PRKN: variants seen among roughly 807,000 people sequenced by gnomAD.
PRKN encodes E3 ubiquitin-protein ligase parkin.
A neutral mutation model predicts 59.5 loss-of-function variants in PRKN; 56 were observed. The ratio of observed to expected loss-of-function variants is 0.94; its 90% confidence interval spans 0.76 to 1.18. The LOEUF (loss-of-function observed/expected upper bound fraction) is 1.18. Ranked by LOEUF, PRKN falls within the 50% of genes most tolerant of loss-of-function variation. The pLI, the probability that PRKN is intolerant of heterozygous loss-of-function variation, is 0.00. For synonymous variants in PRKN, 250 were observed against 222.1 expected (o/e 1.13, Z -1.12); for missense variants, 657 against 596.4 (o/e 1.10, Z -1.06).
chr6:162,010,136 T>C (rs9346895), intron 5 of PRKN, among the ~76,000 whole-genome samples: 81,192 of 146,654 alleles, frequency 0.55, 22,795 homozygotes, highest in Admixed American at 0.62. Flanking sequence ...TGTCACTTCC[T>C]CTGGCTCGTG....
chr6:162,021,454 TATATATA>T (rs1248011291), intron 5 of PRKN, among the ~76,000 whole-genome samples: 4 of 7,372 alleles, frequency 5.4e-4, no homozygotes, highest in African/African-American at 1.3e-3. Flanking sequence ...TATATATATA[TATATATA>T]TTTTTTTTTT....
chr6:162,498,890 C>A (rs567581772), intron 1 of PRKN, among the ~76,000 whole-genome samples: 1 of 152,216 alleles, frequency 6.6e-6, no homozygotes, highest in Admixed American at 6.5e-5. Context: ...CAAGATGCTA[C>A]TGAAAATGAT....
At chr6:161,597,156 T>G (rs926398841) in intron 7 of PRKN, among the ~76,000 whole-genome samples, 7 of 152,154 alleles carry the variant, frequency 4.6e-5, no homozygotes, top group Non-Finnish European at 1.0e-4. Flanking sequence ...GCAGCACCTG[T>G]GGGCATGGGG....
chr6:162,216,734 G>C (rs970783161), intron 3 of PRKN, among the ~76,000 whole-genome samples: 18 of 152,106 alleles, frequency 1.2e-4, no homozygotes, highest in African/African-American at 4.1e-4. Flanking sequence ...ACACTTTGAT[G>C]AACAGCCACT....
rs57164972 is a variant in PRKN, at chr6:161,366,982, C to CTTTTTTTTTTTTTTTTTTTTTTTTTT, written c.1168-6803_1168-6778dup. Among the ~76,000 whole-genome samples, 2 of 91,946 alleles carry CTTTTTTTTTTTTTTTTTTTTTTTTTT rather than the reference C, an allele frequency of 2.2e-5. 1 individual carries two copies. Among genetic ancestry groups the CTTTTTTTTTTTTTTTTTTTTTTTTTT allele is most frequent in the African/African-American group, 8.6e-5 (2 of 23,194 alleles). 60.3% of individuals were successfully genotyped at this position (91,946 alleles called of 152,430 possible). A position where few individuals can be genotyped will look rare whatever the true frequency, so the allele number is the denominator to read the frequency against. ...AAGTTTTTTGGGGTTTTTTTGTTTC[C>CTTTTTTTTTTTTTTTTTTTTTTTTTT]TTTTTTTTTTTTTTTTTTTTTTTTT... On this transcript the variant is annotated intron_variant, in intron 10 of 11. Coordinates refer to ENST00000366898, the MANE Select transcript of PRKN (RefSeq NM_004562.3).
chr6:162,254,382 G>A (rs77314638), intron 3 of PRKN, among the ~76,000 whole-genome samples: 3,371 of 151,576 alleles, frequency 0.022, 100 homozygotes, highest in South Asian at 0.062. Flanking sequence ...GCTTTAATCT[G>A]AGAAGTGGGG....
intron 6 of PRKN, among the ~76,000 whole-genome samples, chr6:161,931,048 A>G (rs951438345): frequency 2.6e-5 from 4 of 152,216 alleles, no homozygotes; most frequent in Non-Finnish European, 5.9e-5. Context: ...TAGCCACTAC[A>G]TTTGTGGTAA....
chr6:162,568,904 G>A (rs1256470736), intron 1 of PRKN: 5 of 682,988 alleles, frequency 7.3e-6, no homozygotes, highest in South Asian at 4.6e-5. Flanking sequence ...TCATCAGGAA[G>A]GACATGGATG....
chr6:161,833,086 A>G lies in PRKN; in HGVS notation c.735-47178T>C, dbSNP rs559574371. The stretch of plus-strand genomic sequence containing the variant: ...ACAATTAGTTCACTGTAGACAATGC[A>G]ACGTCTACTGTGTGCTATGGAACAA... On this transcript the variant is annotated intron_variant, in intron 6 of 11. Coordinates refer to ENST00000366898, the MANE Select transcript of PRKN (RefSeq NM_004562.3). Among the ~76,000 whole-genome samples, 9 of 152,276 alleles carry G rather than the reference A, an allele frequency of 5.9e-5. No individual in the cohort carries two copies. In the South Asian group the frequency reaches 1.9e-3, roughly 32 times the overall value.
chr6:162,323,707 C>A (rs1783139262), intron 2 of PRKN, among the ~76,000 whole-genome samples: 2 of 151,982 alleles, frequency 1.3e-5, no homozygotes, highest in South Asian at 2.1e-4. Flanking sequence ...TGAGATACTA[C>A]TACAAACCTA....
At chr6:161,431,252 G>A (rs73023265) in intron 9 of PRKN, among the ~76,000 whole-genome samples, 7 of 151,994 alleles carry the variant, frequency 4.6e-5, no homozygotes, top group Non-Finnish European at 7.4e-5. Flanking sequence ...ATCATTAACT[G>A]GAAAGAAATA....
At chr6:162,007,773 C>T (rs956601424) in intron 5 of PRKN, among the ~76,000 whole-genome samples, 7 of 152,060 alleles carry the variant, frequency 4.6e-5, no homozygotes, top group South Asian at 2.1e-4. Context: ...CAAATCAATT[C>T]GAATTTATAG....
At chr6:161,815,692 G>A (rs1221527822) in intron 6 of PRKN, among the ~76,000 whole-genome samples, 1 of 152,318 alleles carries the variant, frequency 6.6e-6, no homozygotes, top group Non-Finnish European at 1.5e-5. Flanking sequence ...CCTTCAGAGA[G>A]TGGCCAGGCC....
At chr6:162,673,392 A>G (rs938067015) in intron 1 of PRKN, among the ~76,000 whole-genome samples, 5 of 152,204 alleles carry the variant, frequency 3.3e-5, no homozygotes, top group Admixed American at 6.5e-5. Flanking sequence ...AGTTTACAAC[A>G]AAGTATGATA....
intron 5 of PRKN, among the ~76,000 whole-genome samples, chr6:162,026,978 GA>G (rs754394274): frequency 6.6e-6 from 1 of 152,098 alleles, no homozygotes; most frequent in Non-Finnish European, 1.5e-5. Flanking sequence ...CTATAAACTA[GA>G]AACCACTTTG....
rs1161495853 is a variant in PRKN at position 162,296,616 on chromosome 6, G to A, written c.172-33851C>T. ...CAAATTATTATGTGCCAATCACATT[G>A]AGGTAAAGCAAAAATGAACGCACTT... On this transcript the variant is annotated intron_variant, in intron 2 of 11. Coordinates refer to ENST00000366898, the MANE Select transcript of PRKN (RefSeq NM_004562.3). 2.0e-5 allele frequency among the ~76,000 whole-genome samples: 3 copies of A among 152,042 alleles called. No homozygotes were observed. In the East Asian group the frequency reaches 5.8e-4, roughly 29 times the overall value.
intron 7 of PRKN, among the ~76,000 whole-genome samples, chr6:161,605,773 G>T (rs1782258745): frequency 6.6e-6 from 1 of 152,122 alleles, no homozygotes; most frequent in Non-Finnish European, 1.5e-5. Context: ...GCCTCCCGAA[G>T]TGCTGGGATT....
intron 9 of PRKN, among the ~76,000 whole-genome samples, chr6:161,541,841 G>A (rs567509345): frequency 6.6e-6 from 1 of 151,962 alleles, no homozygotes; most frequent in African/African-American, 2.4e-5. Context: ...AAAAAAAACA[G>A]TATAATTATT....
At chr6:162,620,120 T>C (rs1195556513) in intron 1 of PRKN, among the ~76,000 whole-genome samples, 1 of 152,084 alleles carries the variant, frequency 6.6e-6, no homozygotes, top group Non-Finnish European at 1.5e-5. Flanking sequence ...AGGGATGTTA[T>C]ACCCATTCCC....
Sources: allele counts gnomAD v4.1 joint callset (sites outside exome capture counted in the v4.1 genomes callset), GRCh38; gene constraint gnomAD v4.1.1; transcripts MANE v1.5; gene names NCBI Gene and HGNC (gene_info 2026-07-23, HGNC 2026-07-21).